IQCM: variants seen among roughly 807,000 people sequenced by gnomAD.
IQCM encodes IQ motif containing M.
In IQCM, 45 loss-of-function variants were observed where a neutral mutation model predicts 57.6. The observed-to-expected ratio is 0.78, with a 90% confidence interval of 0.62 to 1.00. The LOEUF (loss-of-function observed/expected upper bound fraction) is 1.00. Ranked by LOEUF, IQCM falls within the 50% of genes least tolerant of loss-of-function variation. The pLI, the probability that IQCM is intolerant of heterozygous loss-of-function variation, is 0.00. For missense variants in IQCM, 468 were observed against 511.6 expected (o/e 0.91, Z 0.82); for synonymous variants, 148 against 158.9 (o/e 0.93, Z 0.51).
chr4:149,784,544 T>C (rs1397306030), intron 2 of IQCM, among the ~76,000 whole-genome samples: 7 of 152,188 alleles, frequency 4.6e-5, no homozygotes, highest in Admixed American at 3.3e-4. Context: ...GCCTCCCGAG[T>C]AGCTGGGACT....
chr4:149,403,646 A>C (rs781115004), intron 13 of IQCM, among the ~76,000 whole-genome samples: 65 of 152,016 alleles, frequency 4.3e-4, no homozygotes, highest in Non-Finnish European at 8.7e-4. Context: ...TCATCCTATG[A>C]ATATGCCTGC....
At chr4:149,621,939 A>G (rs1756375595) in intron 7 of IQCM, among the ~76,000 whole-genome samples, 1 of 152,220 alleles carries the variant, frequency 6.6e-6, no homozygotes, top group African/African-American at 2.4e-5. Flanking sequence ...TCATATTTCC[A>G]ATTTTCCTTC....
At chr4:149,708,852 T>G (rs1215351413) in intron 5 of IQCM, among the ~76,000 whole-genome samples, 1 of 152,082 alleles carries the variant, frequency 6.6e-6, no homozygotes, top group Non-Finnish European at 1.5e-5. Context: ...AATTTGGCAC[T>G]CTTTTTATTG....
chr4:149,489,850 T>C (rs997715285), intron 12 of IQCM, among the ~76,000 whole-genome samples: 1 of 151,876 alleles, frequency 6.6e-6, no homozygotes, highest in African/African-American at 2.4e-5. Context: ...ATCATTCTAT[T>C]GAAATTCTCC....
At chr4:149,678,537 T>A (rs866784141) in intron 7 of IQCM, among the ~76,000 whole-genome samples, 6 of 151,784 alleles carry the variant, frequency 4.0e-5, no homozygotes, top group South Asian at 2.1e-4. Flanking sequence ...CTAAAGGAAG[T>A]TCTTCAATCC....
rs571141688 is a variant in IQCM at position 149,444,016 on chromosome 4, AG to A, written c.1229-10460del. ...CTAATTTGTAAAAGTATTCATTAAA[AG>A]GATCAAAAATAATGCATAATAATTC... is the stretch of plus-strand genomic sequence containing the variant. On this transcript the variant is annotated intron_variant, in intron 12 of 13. Coordinates refer to ENST00000636793, the MANE Select transcript of IQCM (RefSeq NM_001363507.2). 3.6e-3 allele frequency among the ~76,000 whole-genome samples: 543 copies of A among 152,084 alleles called. 4 individuals carry two copies. Among genetic ancestry groups the A allele is most frequent in the African/African-American group, 0.01 (418 of 41,556 alleles).
At position 149,619,125 on chromosome 4, in the gene IQCM, TATATATAC is replaced by T. The variant is rs926180321; in HGVS notation, c.681+1996_681+2003del. On this transcript the variant is annotated intron_variant, in intron 8 of 13. Transcript: ENST00000636793. ...TGGGATGGATATATATATATATATA[TATATATAC>T]ACCATGGAATACTACTCAGTCATAT... Among the ~76,000 whole-genome samples the T allele has an allele frequency of 7.5e-5, 11 of 147,000 alleles. 1 individual carries two copies. The highest frequency in any genetic ancestry group is 2.9e-4 in the African/African-American group (11 of 38,322).
rs115139951 is a variant in IQCM at position 149,491,620 on chromosome 4, A to G, written c.1228+56835T>C. On this transcript the variant is annotated intron_variant, in intron 12 of 13. Transcript: ENST00000636793. ...CTTCTTAAAGGTGAAATAGTATTAC[A>G]TTATGTACATATAAGATTTTTTTAT... Among the ~76,000 whole-genome samples, 548 of 152,222 alleles carry G rather than the reference A, an allele frequency of 3.6e-3. 4 individuals are homozygous for G. Among genetic ancestry groups the G allele is most frequent in the African/African-American group, 0.01 (424 of 41,554 alleles).
chr4:149,659,441 A>G (rs1483765933), intron 7 of IQCM, among the ~76,000 whole-genome samples: 2 of 152,100 alleles, frequency 1.3e-5, no homozygotes, highest in Admixed American at 1.3e-4. Flanking sequence ...ATCTCCATCA[A>G]GCTACCAATG....
intron 7 of IQCM, among the ~76,000 whole-genome samples, chr4:149,668,900 G>A (rs1337181522): frequency 6.6e-6 from 1 of 152,128 alleles, no homozygotes; most frequent in Non-Finnish European, 1.5e-5. Context: ...AGAGGAGAAA[G>A]GGGTGAAAAG....
At chr4:149,657,901 C>T (rs893528434) in intron 7 of IQCM, among the ~76,000 whole-genome samples, 45 of 151,754 alleles carry the variant, frequency 3.0e-4, no homozygotes, top group African/African-American at 9.9e-4. Context: ...ATACTAACTC[C>T]TTGTCAGATA....
chr4:149,648,447 G>A (rs1178934315), intron 7 of IQCM, among the ~76,000 whole-genome samples: 1 of 152,118 alleles, frequency 6.6e-6, no homozygotes, highest in African/African-American at 2.4e-5. Context: ...GTCTATCGTT[G>A]GACATTTGGG....
rs1744071790 is a variant in IQCM, at chr4:149,508,568, A to G, written c.1228+39887T>C. 2.0e-5 allele frequency among the ~76,000 whole-genome samples: 3 copies of G among 152,102 alleles called. No homozygotes were observed. The South Asian group carries it at 6.2e-4, about 32-fold the overall frequency. Reference sequence around the variant, plus strand: ...CCCTCTGTTTTGGCCAATTTCTCCCATTTGCAATGGTTGTATTTACCCAAT... The same window carrying G: ...CCCTCTGTTTTGGCCAATTTCTCCCGTTTGCAATGGTTGTATTTACCCAAT... On this transcript the variant is annotated intron_variant, in intron 12 of 13. Coordinates refer to ENST00000636793, the MANE Select transcript of IQCM (RefSeq NM_001363507.2).
At chr4:149,513,842 A>G (rs1397718842) in intron 12 of IQCM, among the ~76,000 whole-genome samples, 1 of 152,146 alleles carries the variant, frequency 6.6e-6, no homozygotes, top group South Asian at 2.1e-4. Context: ...TATTAAAAAG[A>G]AATAATGCTA....
chr4:149,580,736 A>G (rs1561016663), intron 9 of IQCM, among the ~76,000 whole-genome samples: 1 of 151,776 alleles, frequency 6.6e-6, no homozygotes, highest in Non-Finnish European at 1.5e-5. Flanking sequence ...TTCAATTTTG[A>G]AAAGTTGTTA....
rs557889849 is a variant in IQCM at position 149,642,088 on chromosome 4, C to T, written c.566-20844G>A. On this transcript the variant is annotated intron_variant, in intron 7 of 13. Transcript: ENST00000636793. ...GGAAAAGAATCAGAAAATGCTTGCA[C>T]GGAGAGTTGCTTTATAGGGCTGATA... Among the ~76,000 whole-genome samples the T allele has an allele frequency of 7.2e-4, 110 of 152,162 alleles. 2 individuals carry two copies. The South Asian group carries it at 0.016, about 22-fold the overall frequency.
chr4:149,611,951 A>G (rs1162237400), intron 8 of IQCM, among the ~76,000 whole-genome samples: 1 of 131,076 alleles, frequency 7.6e-6, no homozygotes, highest in East Asian at 2.4e-4. Flanking sequence ...CATATTTACA[A>G]TAATTAACAA....
At position 149,747,785 on chromosome 4, in the gene IQCM, C is replaced by T. The variant is rs553538396; in HGVS notation, c.-48-5046G>A. Among the ~76,000 whole-genome samples the T allele has an allele frequency of 1.9e-4, 29 of 152,332 alleles. No homozygotes were observed. The East Asian group carries it at 5.2e-3, about 27-fold the overall frequency. Reference sequence around the variant, plus strand: ...ACAGTGGCAAGCCCATGAAATCATACTCCTTTCCTGATGCAGAAACCTTCC... The same window carrying T: ...ACAGTGGCAAGCCCATGAAATCATATTCCTTTCCTGATGCAGAAACCTTCC... On this transcript the variant is annotated intron_variant, in intron 2 of 13. Transcript: ENST00000636793.
At chr4:149,436,219 G>A (rs58789659) in intron 12 of IQCM, among the ~76,000 whole-genome samples, 1 of 152,140 alleles carries the variant, frequency 6.6e-6, no homozygotes, top group African/African-American at 2.4e-5. Flanking sequence ...GATGTGTTTA[G>A]ATACACAAAT....
Sources: allele counts gnomAD v4.1 joint callset (sites outside exome capture counted in the v4.1 genomes callset), GRCh38; gene constraint gnomAD v4.1.1; transcripts MANE v1.5; gene names NCBI Gene and HGNC (gene_info 2026-07-23, HGNC 2026-07-21).